HDAC9: variants seen among roughly 807,000 people sequenced by gnomAD.
The protein encoded by HDAC9 is MEF-2 interacting transcription repressor (MITR) protein.
Under a neutral mutation model 139.4 loss-of-function variants are expected in HDAC9, and 41 were observed. That is an observed-to-expected ratio of 0.29 (90% CI 0.23 to 0.38). The LOEUF (loss-of-function observed/expected upper bound fraction) is 0.38, where lower values mean the gene tolerates loss of function less well. Among genes scored for constraint, HDAC9 ranks in the 10% least tolerant of loss-of-function variants. HDAC9 has a pLI of 1.00. For missense variants in HDAC9, 1,147 were observed against 1,297.0 expected, an observed-to-expected ratio of 0.88 and a Z score of 1.78; for synonymous variants, 517 against 476.2, an observed-to-expected ratio of 1.09 and a Z score of -1.12.
chr7:18,857,605 A>G (rs1477951451), intron 21 of HDAC9, among the ~76,000 whole-genome samples: 6 of 152,116 alleles, frequency 3.9e-5, no homozygotes, highest in African/African-American at 1.2e-4. Flanking sequence ...TAATGAACGC[A>G]TCCCTTTGAA....
intron 24 of HDAC9, among the ~76,000 whole-genome samples, chr7:18,963,734 A>G (rs2129330223): frequency 6.6e-6 from 1 of 152,200 alleles, no homozygotes; most frequent in East Asian, 1.9e-4. Flanking sequence ...TAGCAGACCT[A>G]AAAAAGGTGA....
intron 2 of HDAC9, among the ~76,000 whole-genome samples, chr7:18,168,931 G>A (rs1180814770): frequency 7.3e-6 from 1 of 137,180 alleles, no homozygotes; most frequent in East Asian, 2.1e-4. Context: ...GTGTGTGCGC[G>A]CATGTGTCTC....
intron 16 of HDAC9, among the ~76,000 whole-genome samples, chr7:18,783,212 A>C (rs2129172096): frequency 6.6e-6 from 1 of 152,218 alleles, no homozygotes; most frequent in African/African-American, 2.4e-5. Flanking sequence ...AAATTCCTAA[A>C]GCATTTCTAA....
chr7:18,606,161 G>A (rs1835448356), intron 6 of HDAC9, among the ~76,000 whole-genome samples: 1 of 152,092 alleles, frequency 6.6e-6, no homozygotes, highest in South Asian at 2.1e-4. Flanking sequence ...CCAGATTTTA[G>A]CATGGCAGTT....
intron 21 of HDAC9, among the ~76,000 whole-genome samples, chr7:18,858,963 C>A (rs1043854303): frequency 9.9e-5 from 15 of 152,136 alleles, no homozygotes; most frequent in Non-Finnish European, 5.9e-5. Flanking sequence ...CTTAGAAACA[C>A]TATTTTTTCA....
chr7:18,767,183 A>G, intron 16 of HDAC9, 28 bp downstream of exon 16: 1 of 1,297,598 alleles, frequency 7.7e-7, no homozygotes, highest in Non-Finnish European at 1.1e-6. Context: ...TACTGCCTTT[A>G]AATAACATAA....
intron 2 of HDAC9, among the ~76,000 whole-genome samples, chr7:18,533,558 T>C (rs1809784143): frequency 6.6e-6 from 1 of 152,170 alleles, no homozygotes; most frequent in East Asian, 1.9e-4. Context: ...CTCTTTCCTT[T>C]GCATTTGGCT....
intron 15 of HDAC9, among the ~76,000 whole-genome samples, chr7:18,762,510 T>A (rs1789478573): frequency 6.6e-6 from 1 of 152,244 alleles, no homozygotes; most frequent in South Asian, 2.1e-4. Context: ...TTAACCTTCA[T>A]TTGAATAACA....
intron 1 of HDAC9, among the ~76,000 whole-genome samples, chr7:18,393,838 T>C (rs1415101741): frequency 6.6e-6 from 1 of 152,336 alleles, no homozygotes; most frequent in East Asian, 1.9e-4. Context: ...CAGTGAAAAT[T>C]TCCTACAGGC....
At chr7:18,553,336 G>A (rs1817727040) in intron 2 of HDAC9, among the ~76,000 whole-genome samples, 1 of 152,048 alleles carries the variant, frequency 6.6e-6, no homozygotes, top group South Asian at 2.1e-4. Context: ...TGTTTTTAGG[G>A]TGCTTTTCCC....
intron 12 of HDAC9, among the ~76,000 whole-genome samples, chr7:18,700,379 C>A (rs962264843): frequency 1.3e-5 from 2 of 152,174 alleles, no homozygotes; most frequent in East Asian, 3.9e-4. Flanking sequence ...GCGTGAATAA[C>A]GGTGACAATG....
At chr7:18,589,064 T>C (rs931092308) in intron 3 of HDAC9, among the ~76,000 whole-genome samples, 3 of 152,154 alleles carry the variant, frequency 2.0e-5, no homozygotes, top group Non-Finnish European at 4.4e-5. Context: ...TGAGGAAGTA[T>C]GGCTCCGAGT....
upstream of HDAC9, chr7:18,495,718 C>G: frequency 1.0e-6 from 1 of 987,058 alleles, no homozygotes; most frequent in Non-Finnish European, 1.2e-6. Context: ...TCGCTTTAGC[C>G]AACTTGAGCT....
intron 2 of HDAC9, among the ~76,000 whole-genome samples, chr7:18,583,157 TTGA>T (rs1424883243): frequency 6.6e-6 from 1 of 152,206 alleles, no homozygotes; most frequent in East Asian, 1.9e-4. Flanking sequence ...CTACTTACTA[TTGA>T]TGGTTTATTT....
intron 1 of HDAC9, among the ~76,000 whole-genome samples, chr7:18,336,332 C>A (rs1781581124): frequency 2.6e-5 from 4 of 151,610 alleles, no homozygotes; most frequent in Non-Finnish European, 5.9e-5. Flanking sequence ...ATCCTAACCT[C>A]TCTCTTTGTG....
chr7:18,403,414 C>A (rs542211767), intron 1 of HDAC9, among the ~76,000 whole-genome samples: 5 of 152,156 alleles, frequency 3.3e-5, no homozygotes, highest in African/African-American at 1.2e-4. Context: ...CATGTACTTC[C>A]ATATTTCTTT....
chr7:18,284,648 A>G (rs1797320157), intron 2 of HDAC9, among the ~76,000 whole-genome samples: 2 of 152,126 alleles, frequency 1.3e-5, no homozygotes, highest in African/African-American at 4.8e-5. Flanking sequence ...GATTTATCTA[A>G]TCTTTGGGTA....
chr7:18,929,458 A>G (rs372163848), intron 22 of HDAC9, among the ~76,000 whole-genome samples: 2 of 152,218 alleles, frequency 1.3e-5, no homozygotes, highest in Non-Finnish European at 2.9e-5. Context: ...CCACTTGGTC[A>G]TCAAAAGAAA....
chr7:18,927,308 G>A (rs1258647486), intron 22 of HDAC9, among the ~76,000 whole-genome samples: 2 of 152,062 alleles, frequency 1.3e-5, no homozygotes, highest in African/African-American at 4.8e-5. Context: ...GTATTTCTGT[G>A]GAAAGCATTC....
Sources: allele counts gnomAD v4.1 joint callset (sites outside exome capture counted in the v4.1 genomes callset), GRCh38; gene constraint gnomAD v4.1.1; transcripts MANE v1.5; gene names NCBI Gene and HGNC (gene_info 2026-07-23, HGNC 2026-07-21).